PDE1A: variants seen among roughly 807,000 people sequenced by gnomAD.
PDE1A encodes the protein phosphodiesterase 1A, also known as dual specificity calcium/calmodulin-dependent 3',5'-cyclic nucleotide phosphodiesterase 1A.
A neutral mutation model predicts 61.7 loss-of-function variants in PDE1A; 35 were observed. The ratio of observed to expected loss-of-function variants is 0.57; its 90% CI spans 0.43 to 0.75. The LOEUF is 0.75. PDE1A is among the 30% of genes least tolerant of loss of function. The pLI is 0.00. For synonymous variants in PDE1A, 232 were observed against 213.2 expected, an observed-to-expected ratio of 1.09 and a Z score of -0.77; for missense variants, 597 against 630.6, an observed-to-expected ratio of 0.95 and a Z score of 0.57.
At chr2:182,343,880 T>C (rs1444285697) in intron 1 of PDE1A, among the ~76,000 whole-genome samples, 16 of 151,630 alleles carry the variant, frequency 1.1e-4, no homozygotes, top group Non-Finnish European at 2.2e-4. Context: ...TTTCTTTTTT[T>C]TTTTTTGTTG....
At chr2:182,456,696 G>C (rs554172475) in intron 2 of PDE1A, among the ~76,000 whole-genome samples, 1 of 151,908 alleles carries the variant, frequency 6.6e-6, no homozygotes, top group South Asian at 2.1e-4. Flanking sequence ...GAGTAACTCT[G>C]GGAAATTTTA....
chr2:182,582,321 A>C, the PDE1A span, among the ~76,000 whole-genome samples: 1 of 152,206 alleles, frequency 6.6e-6, no homozygotes, highest in African/African-American at 2.4e-5. Context: ...GTAATTTAGC[A>C]AAAAGCTTTT....
chr2:182,505,932 G>T (rs1236310570), intron 2 of PDE1A, among the ~76,000 whole-genome samples: 1 of 152,148 alleles, frequency 6.6e-6, no homozygotes, highest in East Asian at 1.9e-4. Flanking sequence ...GCAGAGATTT[G>T]CTAGGAAATG....
In PDE1A at chr2:182,248,252, C is replaced by CA. The variant is rs1197993496; in HGVS notation, c.168-7961dup. On this transcript the variant is annotated intron_variant, in intron 2 of 13. Coordinates refer to ENST00000351439, the Ensembl canonical transcript of PDE1A. ...GCCTGGGCCACAAGAGCAAGACTGT[C>CA]AAAAAAAAAAAAAAAAGAAAAAAGC... is the stretch of plus-strand genomic sequence containing the variant. Among the ~76,000 whole-genome samples, 389 of 78,020 alleles carry CA rather than the reference C, an allele frequency of 5.0e-3. 1 individual carries two copies. Among genetic ancestry groups the CA allele is most frequent in the East Asian group, 0.041 (119 of 2,918 alleles). 51.2% of individuals were successfully genotyped at this position (78,020 alleles called of 152,430 possible). A position where few individuals can be genotyped will look rare whatever the true frequency, so the allele number is the denominator to read the frequency against.
the PDE1A span, among the ~76,000 whole-genome samples, chr2:182,560,748 T>C: frequency 1.4e-4 from 22 of 151,980 alleles, no homozygotes; most frequent in Non-Finnish European, 2.7e-4. Flanking sequence ...TTTTTAATGA[T>C]TGCCATTCTA....
At chr2:182,623,953 A>G in the PDE1A span, among the ~76,000 whole-genome samples, 1,388 of 151,978 alleles carry the variant, frequency 9.1e-3, 11 homozygotes, top group South Asian at 0.024. Flanking sequence ...GTGAAACCCC[A>G]TCTCTACTAA....
chr2:182,654,240 A>G, the PDE1A span, among the ~76,000 whole-genome samples: 2 of 152,218 alleles, frequency 1.3e-5, no homozygotes, highest in Non-Finnish European at 2.9e-5. Context: ...TGCACCCACC[A>G]CTTGGTTAAG....
the PDE1A span, among the ~76,000 whole-genome samples, chr2:182,660,981 A>G: frequency 6.6e-6 from 1 of 152,250 alleles, no homozygotes; most frequent in Non-Finnish European, 1.5e-5. Context: ...CAGTAGCAGA[A>G]CTGTGGAATC....
chr2:182,460,573 T>G (rs1686217364), intron 2 of PDE1A, among the ~76,000 whole-genome samples: 2 of 152,238 alleles, frequency 1.3e-5, no homozygotes, highest in African/African-American at 4.8e-5. Context: ...AATATTGCAT[T>G]TGCCTTGTTT....
At chr2:182,288,500 C>T (rs1283291849) in intron 1 of PDE1A, among the ~76,000 whole-genome samples, 1 of 152,104 alleles carries the variant, frequency 6.6e-6, no homozygotes, top group Non-Finnish European at 1.5e-5. Context: ...ATCCAGTTCT[C>T]CTGGATGATG....
intron 1 of PDE1A, among the ~76,000 whole-genome samples, chr2:182,372,269 T>C (rs1450462422): frequency 6.6e-6 from 1 of 152,206 alleles, no homozygotes; most frequent in East Asian, 1.9e-4. Flanking sequence ...GAGGAAGGTA[T>C]TGTGTTTGAC....
chr2:182,493,366 T>C (rs1166750772), intron 2 of PDE1A, among the ~76,000 whole-genome samples: 1 of 152,038 alleles, frequency 6.6e-6, no homozygotes, highest in Admixed American at 6.6e-5. Context: ...ATGTGCCGTG[T>C]TGGTGTGCTG....
At chr2:182,264,325 T>G in exon 2 of PDE1A, 1 of 1,612,370 alleles carries the variant, frequency 6.2e-7, no homozygotes, top group Non-Finnish European at 8.5e-7. Flanking sequence ...ATAAACTGCT[T>G]CCAGCACAGA....
chr2:182,270,701 T>TA (rs1429705833), intron 1 of PDE1A, among the ~76,000 whole-genome samples: 3 of 150,978 alleles, frequency 2.0e-5, no homozygotes, highest in African/African-American at 7.3e-5. Context: ...GAGCTAAAGT[T>TA]AAAAGAAATT....
intron 2 of PDE1A, among the ~76,000 whole-genome samples, chr2:182,483,826 C>T (rs1687847989): frequency 6.6e-6 from 1 of 151,766 alleles, no homozygotes; most frequent in Non-Finnish European, 1.5e-5. Context: ...ATCAATGAAA[C>T]CAAAAGTTAG....
intron 2 of PDE1A, among the ~76,000 whole-genome samples, chr2:182,511,790 G>A (rs1689811434): frequency 6.6e-6 from 1 of 152,156 alleles, no homozygotes; most frequent in African/African-American, 2.4e-5. Flanking sequence ...TGCAAGCACA[G>A]ATACTGAACT....
the PDE1A span, among the ~76,000 whole-genome samples, chr2:182,640,609 A>G: frequency 6.6e-6 from 1 of 152,214 alleles, no homozygotes; most frequent in Non-Finnish European, 1.5e-5. Context: ...GGAAGAAGAT[A>G]AAATGCTAAT....
chr2:182,665,026 T>A, the PDE1A span, among the ~76,000 whole-genome samples: 1 of 152,226 alleles, frequency 6.6e-6, no homozygotes, highest in South Asian at 2.1e-4. Context: ...ATAAACAATG[T>A]TCTTGAAAAT....
chr2:182,327,526 T>C (rs1574360039), intron 1 of PDE1A, among the ~76,000 whole-genome samples: 2 of 152,282 alleles, frequency 1.3e-5, no homozygotes, highest in Non-Finnish European at 1.5e-5. Flanking sequence ...CAGAAGTCAT[T>C]GAGATGGAGT....
Sources: allele counts gnomAD v4.1 joint callset (sites outside exome capture counted in the v4.1 genomes callset), GRCh38; gene constraint gnomAD v4.1.1; transcripts MANE v1.5; gene names NCBI Gene and HGNC (gene_info 2026-07-23, HGNC 2026-07-21).